DAB1: variants seen among roughly 807,000 people sequenced by gnomAD.
DAB1 encodes the protein DAB adaptor protein 1.
A neutral mutation model predicts 64.6 loss-of-function variants in DAB1; 15 were observed. That is an observed-to-expected ratio of 0.23 (90% confidence interval 0.16 to 0.36). DAB1 has a LOEUF of 0.36. Ranked by LOEUF, DAB1 falls within the 10% of genes least tolerant of loss-of-function variation. The probability of loss-of-function intolerance (pLI) is 1.00; values close to 1 mark genes in which losing one functional copy is unlikely to be tolerated. For missense variants in DAB1, 596 were observed against 706.7 expected (o/e 0.84, Z 1.78); for synonymous variants, 235 against 251.9 (o/e 0.93, Z 0.64).
intron 4 of DAB1, among the ~76,000 whole-genome samples, chr1:58,264,134 G>A (rs1000406690): frequency 1.3e-5 from 2 of 152,166 alleles, no homozygotes; most frequent in African/African-American, 4.8e-5. Context: ...CTTACCAGTA[G>A]CCATCAAACC....
At chr1:57,058,507 A>T (rs754865400) in intron 9 of DAB1, among the ~76,000 whole-genome samples, 4 of 152,234 alleles carry the variant, frequency 2.6e-5, no homozygotes, top group Non-Finnish European at 4.4e-5. Flanking sequence ...TAATGAGGAC[A>T]TGAATATGAT....
chr1:57,399,398 G>A (rs886962313), intron 1 of DAB1, among the ~76,000 whole-genome samples: 1 of 152,172 alleles, frequency 6.6e-6, no homozygotes, highest in South Asian at 2.1e-4. Context: ...AGATGGAATT[G>A]TCCTAATTAA....
intron 1 of DAB1, among the ~76,000 whole-genome samples, chr1:57,301,256 G>A (rs1673626652): frequency 6.6e-6 from 1 of 152,136 alleles, no homozygotes; most frequent in African/African-American, 2.4e-5. Context: ...GATTAAACAA[G>A]GCCTGGCCAC....
chr1:57,175,408 A>G (rs1662204326), intron 2 of DAB1, among the ~76,000 whole-genome samples: 1 of 151,508 alleles, frequency 6.6e-6, no homozygotes, highest in African/African-American at 2.4e-5. Context: ...TTGGGTTAAC[A>G]TACTATCAGC....
At chr1:57,563,097 C>T (rs537265329) in intron 7 of DAB1, among the ~76,000 whole-genome samples, 3 of 152,176 alleles carry the variant, frequency 2.0e-5, no homozygotes, top group South Asian at 4.1e-4. Context: ...TTGGGTCACA[C>T]CACCACAAAA....
intron 1 of DAB1, among the ~76,000 whole-genome samples, chr1:57,829,184 G>T (rs1373591655): frequency 6.6e-6 from 1 of 152,094 alleles, no homozygotes; most frequent in Non-Finnish European, 1.5e-5. Flanking sequence ...TCTTGCCAAG[G>T]TGCATTATGA....
intron 7 of DAB1, among the ~76,000 whole-genome samples, chr1:57,646,441 T>G (rs1200930963): frequency 1.3e-5 from 2 of 152,168 alleles, no homozygotes; most frequent in African/African-American, 4.8e-5. Flanking sequence ...ACTGAGTACA[T>G]GCTGGTGCAC....
chr1:57,221,628 C>T (rs1431886012), intron 2 of DAB1, among the ~76,000 whole-genome samples: 1 of 152,178 alleles, frequency 6.6e-6, no homozygotes, highest in African/African-American at 2.4e-5. Context: ...GTCCTTCCCT[C>T]CTGAATTAGT....
At chr1:57,401,335 C>T (rs1306408217) in intron 1 of DAB1, among the ~76,000 whole-genome samples, 1 of 152,182 alleles carries the variant, frequency 6.6e-6, no homozygotes, top group Admixed American at 6.6e-5. Context: ...GTAGTTTATT[C>T]ATGTGGTTGC....
At chr1:58,310,903 C>CCTGCCAGA (rs1662416113) in intron 4 of DAB1, among the ~76,000 whole-genome samples, 1 of 152,096 alleles carries the variant, frequency 6.6e-6, no homozygotes, top group African/African-American at 2.4e-5. Flanking sequence ...AGGCATCATT[C>CCTGCCAGA]CTGCCAGAGG....
At chr1:57,838,747 AT>A (rs1652921147) in intron 1 of DAB1, among the ~76,000 whole-genome samples, 1 of 150,764 alleles carries the variant, frequency 6.6e-6, no homozygotes, top group African/African-American at 2.4e-5. Context: ...TTAGGTAAAC[AT>A]AACTTATTTA....
At chr1:57,957,675 A>C (rs566955755) in intron 5 of DAB1, among the ~76,000 whole-genome samples, 5 of 152,290 alleles carry the variant, frequency 3.3e-5, no homozygotes, top group African/African-American at 1.2e-4. Context: ...GTTTGGAAAA[A>C]TGAGGAAGAG....
chr1:58,152,163 T>C (rs866102697), intron 4 of DAB1, among the ~76,000 whole-genome samples: 10 of 152,270 alleles, frequency 6.6e-5, no homozygotes, highest in Middle Eastern at 3.4e-3. Flanking sequence ...AGTGATGTCC[T>C]GAAGAGGATA....
At chr1:57,613,629 TA>T (rs1306141396) in intron 7 of DAB1, among the ~76,000 whole-genome samples, 1 of 152,112 alleles carries the variant, frequency 6.6e-6, no homozygotes, top group Non-Finnish European at 1.5e-5. Flanking sequence ...CCCTCAAAAA[TA>T]AATACGAAAA....
intron 7 of DAB1, among the ~76,000 whole-genome samples, chr1:57,552,659 T>C (rs1368551675): frequency 6.6e-6 from 1 of 152,160 alleles, no homozygotes; most frequent in East Asian, 1.9e-4. Flanking sequence ...AATCAGCTCA[T>C]TGTTACAAAA....
chr1:57,096,607 C>T (rs1654189522), intron 4 of DAB1, among the ~76,000 whole-genome samples: 1 of 152,126 alleles, frequency 6.6e-6, no homozygotes, highest in African/African-American at 2.4e-5. Flanking sequence ...GCTCATAGGT[C>T]AGCTCCTCTC....
chr1:57,869,055 T>C (rs1369741880), intron 1 of DAB1, among the ~76,000 whole-genome samples: 2 of 152,108 alleles, frequency 1.3e-5, no homozygotes, highest in African/African-American at 2.4e-5. Flanking sequence ...CTATTTCTTT[T>C]ATGATATCCA....
intron 3 of DAB1, among the ~76,000 whole-genome samples, chr1:57,138,615 T>C (rs1658330093): frequency 1.3e-5 from 2 of 152,140 alleles, no homozygotes; most frequent in South Asian, 2.1e-4. Context: ...GGTTTCTAGA[T>C]TGCTCAATGT....
At chr1:58,183,806 C>T (rs1656924422) in intron 4 of DAB1, among the ~76,000 whole-genome samples, 1 of 151,868 alleles carries the variant, frequency 6.6e-6, no homozygotes, top group African/African-American at 2.4e-5. Context: ...AATTTGTCTC[C>T]CCCAGATTGT....
Sources: allele counts gnomAD v4.1 joint callset (sites outside exome capture counted in the v4.1 genomes callset), GRCh38; gene constraint gnomAD v4.1.1; transcripts MANE v1.5; gene names NCBI Gene and HGNC (gene_info 2026-07-23, HGNC 2026-07-21).